HS2ST1: variants seen among roughly 807,000 people sequenced by gnomAD.
The protein encoded by HS2ST1 is 2-O-sulfotransferase.
HS2ST1 carries 18 observed loss-of-function variants against 42.9 expected under a neutral mutation model. The observed-to-expected ratio is 0.42, with a 90% CI of 0.29 to 0.62. The LOEUF is 0.62. Among genes scored for constraint, HS2ST1 ranks in the 20% least tolerant of loss-of-function variants. The probability of loss-of-function intolerance (pLI) is 0.21; values close to 1 mark genes in which losing one functional copy is unlikely to be tolerated. For synonymous variants in HS2ST1, 146 were observed against 152.9 expected (o/e 0.95, Z 0.33); for missense variants, 334 against 433.8 (o/e 0.77, Z 2.04).
intron 1 of HS2ST1, among the ~76,000 whole-genome samples, chr1:87,013,929 C>T (rs760059047): frequency 3.5e-4 from 53 of 152,132 alleles, no homozygotes; most frequent in Non-Finnish European, 6.8e-4. Flanking sequence ...GTAAGAGTCA[C>T]CTTTATTTTA....
chr1:86,951,546 A>T (rs1647518572), intron 1 of HS2ST1, among the ~76,000 whole-genome samples: 1 of 152,164 alleles, frequency 6.6e-6, no homozygotes, highest in Non-Finnish European at 1.5e-5. Flanking sequence ...TGCTAAAAAA[A>T]ATGCTAACAA....
intron 1 of HS2ST1, among the ~76,000 whole-genome samples, chr1:86,937,059 C>A (rs1475253719): frequency 6.6e-6 from 1 of 151,538 alleles, no homozygotes; most frequent in Non-Finnish European, 1.5e-5. Context: ...AAGCTGAGAT[C>A]ACGCTACTGC....
chr1:86,949,584 A>T (rs2102184482), intron 1 of HS2ST1, among the ~76,000 whole-genome samples: 1 of 152,310 alleles, frequency 6.6e-6, no homozygotes, highest in East Asian at 1.9e-4. Context: ...AAGAGAAAAA[A>T]AGATTCTCTA....
intron 1 of HS2ST1, among the ~76,000 whole-genome samples, chr1:86,943,502 A>T (rs775486192): frequency 6.6e-6 from 1 of 152,138 alleles, no homozygotes; most frequent in Non-Finnish European, 1.5e-5. Flanking sequence ...CTGGTGGATC[A>T]CTTGAGCCTA....
intron 1 of HS2ST1, among the ~76,000 whole-genome samples, chr1:87,031,114 A>AT (rs1057434689): frequency 6.6e-6 from 1 of 151,720 alleles, no homozygotes; most frequent in East Asian, 1.9e-4. Flanking sequence ...TAATTTTTGT[A>AT]TTTTTTTGTG....
intron 1 of HS2ST1, among the ~76,000 whole-genome samples, chr1:87,024,148 C>T (rs547876204): frequency 5.9e-5 from 9 of 151,988 alleles, no homozygotes; most frequent in South Asian, 4.2e-4. Flanking sequence ...AGATTGCTAT[C>T]AGGATTAATG....
At position 87,084,836 on chromosome 1, in the gene HS2ST1, G is replaced by GTCAC. The variant is rs66857719; in HGVS notation, c.449+588_449+591dup. 4.1e-3 allele frequency among the ~76,000 whole-genome samples: 593 copies of GTCAC among 143,148 alleles called. 1 individual carries two copies. Among genetic ancestry groups the GTCAC allele is most frequent in the East Asian group, 0.015 (75 of 4,872 alleles). 93.9% of individuals were successfully genotyped at this position (143,148 alleles called of 152,430 possible). On this transcript the variant is annotated intron_variant, in intron 3 of 6. Coordinates refer to ENST00000370550, the MANE Select transcript of HS2ST1 (RefSeq NM_012262.4). ...TCTCTCTTGCTCTCTCTCCCTCCCT[G>GTCAC]TCACTCACTCACTCACTCACTCACT...
At chr1:87,072,554 CT>C (rs1222484110) in intron 1 of HS2ST1, among the ~76,000 whole-genome samples, 2 of 152,188 alleles carry the variant, frequency 1.3e-5, no homozygotes, top group Non-Finnish European at 2.9e-5. Context: ...TGTAAAGTGA[CT>C]TTTGAACTGC....
At chr1:86,961,972 A>G (rs1359863204) in intron 1 of HS2ST1, among the ~76,000 whole-genome samples, 3 of 152,116 alleles carry the variant, frequency 2.0e-5, no homozygotes, top group Non-Finnish European at 4.4e-5. Flanking sequence ...ATTTCATTAT[A>G]TGTATGTAAC....
At chr1:86,952,306 C>T (rs780393273) in intron 1 of HS2ST1, among the ~76,000 whole-genome samples, 15 of 151,564 alleles carry the variant, frequency 9.9e-5, no homozygotes, top group African/African-American at 2.2e-4. Flanking sequence ...GGTGTGATCT[C>T]GGCTCACTGC....
chr1:87,070,665 T>G (rs949475131), intron 1 of HS2ST1, among the ~76,000 whole-genome samples: 5 of 152,208 alleles, frequency 3.3e-5, no homozygotes, highest in Non-Finnish European at 7.3e-5. Context: ...CTTCCAAATC[T>G]TGTATGGATG....
At chr1:87,081,784 G>T (rs1053069693) in intron 2 of HS2ST1, among the ~76,000 whole-genome samples, 1 of 151,944 alleles carries the variant, frequency 6.6e-6, no homozygotes, top group East Asian at 1.9e-4. Context: ...TCAAGAGATC[G>T]AGACCGTCCT....
intron 6 of HS2ST1, among the ~76,000 whole-genome samples, chr1:87,104,210 C>T (rs1169406818): frequency 6.6e-6 from 1 of 152,148 alleles, no homozygotes; most frequent in South Asian, 2.1e-4. Context: ...TGACAGCCTA[C>T]ACTTTACTGT....
In HS2ST1 at chr1:87,106,970, C is replaced by T. The variant is rs1350631258; in HGVS notation, c.*2274C>T. 1.3e-5 allele frequency: 2 copies of T among 152,026 alleles called. No individual in the cohort carries two copies. Among genetic ancestry groups the T allele is most frequent in the African/African-American group, 4.8e-5 (2 of 41,424 alleles). The allele number at this position is 152,026 out of a possible 1,614,324, so 9.4% of individuals were successfully genotyped here. A position where few individuals can be genotyped will look rare whatever the true frequency, so the allele number is the denominator to read the frequency against. ...GAGTAAATATTTTAGGCTTTGCAGC[C>T]CATACGGTCTCTGTCACAGCTAGTC... On this transcript the variant is annotated 3_prime_UTR_variant, in exon 7 of 7. Transcript: ENST00000370550.
chr1:87,088,937 A>G (rs1350410229), intron 3 of HS2ST1, among the ~76,000 whole-genome samples: 1 of 152,038 alleles, frequency 6.6e-6, no homozygotes, highest in Non-Finnish European at 1.5e-5. Flanking sequence ...GGTCTGAGAG[A>G]GTCCAGAATA....
chr1:87,052,091 A>G (rs934844862), intron 1 of HS2ST1, among the ~76,000 whole-genome samples: 5 of 152,150 alleles, frequency 3.3e-5, no homozygotes, highest in African/African-American at 9.7e-5. Flanking sequence ...TGTATCTACA[A>G]AAAATACAAA....
At position 86,985,411 on chromosome 1, in the gene HS2ST1, CATATAT is replaced by C. The variant is rs1267285197; in HGVS notation, c.124+70255_124+70260del. On this transcript the variant is annotated intron_variant, in intron 1 of 6. Coordinates refer to ENST00000370550, the MANE Select transcript of HS2ST1 (RefSeq NM_012262.4). Reference sequence around the variant, plus strand: ...ACACACACACACACATATATATACACATATATATACACATATATACACACATATATA... The same window carrying C: ...ACACACACACACACATATATATACACATACACATATATACACACATATATA... Among the ~76,000 whole-genome samples, 3 of 50,492 alleles carry C rather than the reference CATATAT, an allele frequency of 5.9e-5. 1 individual carries two copies. The highest frequency in any genetic ancestry group is 8.0e-3 in the East Asian group (2 of 250). The allele number at this position is 50,492 out of a possible 152,430, so 33.1% of individuals were successfully genotyped here.
intron 1 of HS2ST1, among the ~76,000 whole-genome samples, chr1:86,917,759 A>T (rs1660194161): frequency 6.6e-6 from 1 of 152,216 alleles, no homozygotes; most frequent in Non-Finnish European, 1.5e-5. Flanking sequence ...TTGTAATATC[A>T]GTGTTTAATT....
Position 87,037,107 on chromosome 1 carries a change from T to C in HS2ST1, c.125-35827T>C, listed in dbSNP as rs1650394346. Among the ~76,000 whole-genome samples, 3 of 57,114 alleles carry C rather than the reference T, an allele frequency of 5.3e-5. No homozygotes were observed. In the South Asian group the frequency reaches 2.4e-3, roughly 45 times the overall value. 37.5% of individuals were successfully genotyped at this position (57,114 alleles called of 152,430 possible). On this transcript the variant is annotated intron_variant, in intron 1 of 6. Transcript: ENST00000370550. ...TATCACATTCATGGGTGCTGACTTT[T>C]TTTTTTAATCTGCTCCCAACTTTTG...
Sources: gnomAD v4.1 joint callset for allele counts (sites outside exome capture counted in the v4.1 genomes callset) on GRCh38, gnomAD v4.1.1 for gene constraint, MANE v1.5 for transcripts, NCBI Gene and HGNC (gene_info 2026-07-23, HGNC 2026-07-21) for gene names.